ABI3BP: variants seen among roughly 807,000 people sequenced by gnomAD.
ABI3BP encodes target of Nesh-SH3.
In ABI3BP, 216 loss-of-function variants were observed where a neutral mutation model predicts 268.6. That is an observed-to-expected ratio of 0.80 (90% CI 0.72 to 0.90). The LOEUF (loss-of-function observed/expected upper bound fraction) is 0.90. ABI3BP is among the 40% of genes least tolerant of loss of function. The pLI is 0.00. For missense variants in ABI3BP, 2,090 were observed against 2,182.4 expected (o/e 0.96, Z 0.84); for synonymous variants, 730 against 730.0 (o/e 1.00, Z 0.00).
rs188261006 is a variant in ABI3BP at position 100,951,602 on chromosome 3, A to C, written c.80-25121T>G. Reference sequence around the variant, plus strand: ...AACCATCATTATCTTTCTCAAAACCAGTTTACTTCTCTACCATCTATGATG... The same window carrying C: ...AACCATCATTATCTTTCTCAAAACCCGTTTACTTCTCTACCATCTATGATG... On this transcript the variant is annotated intron_variant, in intron 1 of 67. Transcript: ENST00000471714. Among the ~76,000 whole-genome samples, 172 of 152,018 alleles carry C rather than the reference A, an allele frequency of 1.1e-3. 5 individuals carry two copies. Among genetic ancestry groups the C allele is most frequent in the African/African-American group, 3.9e-3 (162 of 41,332 alleles).
chr3:100,886,840 A>T (rs1387340981), intron 4 of ABI3BP, among the ~76,000 whole-genome samples: 1 of 152,004 alleles, frequency 6.6e-6, no homozygotes, highest in Non-Finnish European at 1.5e-5. Context: ...AGCTGTTTTT[A>T]TTATTAAAAA....
At chr3:100,884,737 G>GCACCAAA (rs2041078607) in intron 6 of ABI3BP, among the ~76,000 whole-genome samples, 1 of 117,324 alleles carries the variant, frequency 8.5e-6, no homozygotes, top group Non-Finnish European at 1.9e-5. Flanking sequence ...CAATATCTAG[G>GCACCAAA]GACCAAATTC....
Position 100,835,715 on chromosome 3 carries a change from G to T in ABI3BP, c.2132-55C>A, listed in dbSNP as rs1048790259. The T allele has an allele frequency of 3.6e-5, 48 of 1,345,840 alleles. No homozygotes were observed. The African/African-American group carries it at 6.2e-4, about 17-fold the overall frequency. 83.4% of individuals were successfully genotyped at this position (1,345,840 alleles called of 1,614,324 possible). On this transcript the variant is annotated intron_variant, in intron 27 of 67. Transcript: ENST00000471714. ...AGATTAAGAAATACAGAAAAACAAA[G>T]TTATTTTGAAAATGAATCTTCTTAA...
rs2098091990 is a variant in ABI3BP at position 100,817,512 on chromosome 3, A to G, written c.3089-17T>C. The G allele has an allele frequency of 1.4e-6, 2 of 1,410,674 alleles. No individual in the cohort carries two copies. The highest frequency in any genetic ancestry group is 1.9e-6 in the Non-Finnish European group (2 of 1,064,708). 87.4% of individuals were successfully genotyped at this position (1,410,674 alleles called of 1,614,324 possible). On this transcript the variant is annotated splice_polypyrimidine_tract_variant and intron_variant, in intron 41 of 67. Coordinates refer to ENST00000471714, the MANE Select transcript of ABI3BP (RefSeq NM_001375547.2). The stretch of plus-strand genomic sequence containing the variant: ...TAGTAACAACTAGACAAAAATAATA[A>G]AATAAAGCAAAAAGATTTAACTTGA...
At chr3:100,938,291 C>T (rs1164095879) in intron 1 of ABI3BP, among the ~76,000 whole-genome samples, 2 of 140,134 alleles carry the variant, frequency 1.4e-5, no homozygotes, top group African/African-American at 5.1e-5. Flanking sequence ...TACCCCTGAA[C>T]CTAAAAGTTA....
At chr3:100,772,130 C>A (rs142118044) in intron 61 of ABI3BP, among the ~76,000 whole-genome samples, 5 of 152,228 alleles carry the variant, frequency 3.3e-5, no homozygotes, top group African/African-American at 1.2e-4. Flanking sequence ...TAAAAGACAT[C>A]ATTTAGAATT....
At chr3:100,913,065 T>C (rs1468249084) in intron 2 of ABI3BP, among the ~76,000 whole-genome samples, 1 of 152,168 alleles carries the variant, frequency 6.6e-6, no homozygotes, top group Non-Finnish European at 1.5e-5. Flanking sequence ...AATGCTGTTG[T>C]CTCCTCACTT....
chr3:100,877,324 A>C (rs1229138990), intron 6 of ABI3BP, among the ~76,000 whole-genome samples: 1 of 152,186 alleles, frequency 6.6e-6, no homozygotes, highest in Non-Finnish European at 1.5e-5. Context: ...TACAGATACC[A>C]CAACTACCAT....
rs201354475 is a variant in ABI3BP at position 100,750,495 on chromosome 3, C to T, written c.5361G>A (p.Ter1787=). The T allele has an allele frequency of 1.9e-6, 3 of 1,607,904 alleles. No homozygotes were observed. Among genetic ancestry groups the T allele is most frequent in the Non-Finnish European group, 8.5e-7 (1 of 1,175,310 alleles). The change falls in exon 68 of 68, where the codon TAG becomes TAA. Residue 1787 remains the stop codon, a stop_retained_variant. Coordinates refer to ENST00000471714, the MANE Select transcript of ABI3BP (RefSeq NM_001375547.2). ...AACAGAAGGTAACTTTGTGCAGCAT[C>T]TACCATTTTCCAGGAATTGTAGTCC... ...ECGTTIPGKW[*]
chr3:100,941,414 C>T (rs1372192717), intron 1 of ABI3BP, among the ~76,000 whole-genome samples: 3 of 152,044 alleles, frequency 2.0e-5, no homozygotes, highest in African/African-American at 4.8e-5. Flanking sequence ...TTTATTAGGA[C>T]ATTTTCATCA....
At chr3:100,817,989 GAAACTGTTA>G (rs1205846419) in intron 41 of ABI3BP, among the ~76,000 whole-genome samples, 1 of 152,120 alleles carries the variant, frequency 6.6e-6, no homozygotes, top group Admixed American at 6.5e-5. Context: ...TAAAAGTTAA[GAAACTGTTA>G]AATCTTAATA....
intron 1 of ABI3BP, among the ~76,000 whole-genome samples, chr3:100,966,452 G>T (rs1057010279): frequency 6.6e-6 from 1 of 152,100 alleles, no homozygotes; most frequent in Non-Finnish European, 1.5e-5. Flanking sequence ...AGTATGACAC[G>T]TACCATATGG....
At position 100,886,243 on chromosome 3, in the gene ABI3BP, A is replaced by G. The variant is rs773587460; in HGVS notation, c.542T>C (p.Val181Ala). ...AACTGTGTTGGGCTTTAGGTTTTCC[A>G]CAATTGTTTCAGTGGCTGGACAGAT... ...FQICPATETI[V>A]ENLKPNTVYE... is the part of the protein sequence containing the mutation. The change falls in exon 5 of 68, where the codon GTG (valine) becomes GCG (alanine). Residue 181 changes from valine to alanine, a missense_variant. Coordinates refer to ENST00000471714, the MANE Select transcript of ABI3BP (RefSeq NM_001375547.2). 2 of 1,611,224 alleles carry G rather than the reference A, an allele frequency of 1.2e-6. No individual in the cohort carries two copies. Among genetic ancestry groups the G allele is most frequent in the Admixed American group, 1.7e-5 (1 of 59,676 alleles).
intron 1 of ABI3BP, among the ~76,000 whole-genome samples, chr3:100,968,005 C>A (rs566781119): frequency 2.6e-3 from 403 of 152,250 alleles, no homozygotes; most frequent in Non-Finnish European, 3.9e-3. Flanking sequence ...GGCCAACCAT[C>A]AGATGGTTGA....
intron 17 of ABI3BP, 130 bp from the exon 18 acceptor site, chr3:100,849,005 A>C: frequency 1.3e-6 from 1 of 752,478 alleles, no homozygotes; most frequent in Non-Finnish European, 2.2e-6. Flanking sequence ...AATGTCCAGT[A>C]TACCTTGTTT....
intron 34 of ABI3BP, among the ~76,000 whole-genome samples, 195 bp downstream of exon 34, chr3:100,828,198 A>C (rs556717132): frequency 1.3e-5 from 2 of 152,334 alleles, no homozygotes; most frequent in African/African-American, 4.8e-5. Flanking sequence ...ATGATATGAT[A>C]AACATTTTAA....
Position 100,898,747 on chromosome 3 carries a change from A to G in ABI3BP, c.461+15T>C. The G allele has an allele frequency of 6.2e-7, 1 of 1,611,596 alleles. No homozygotes were observed. Among genetic ancestry groups the G allele is most frequent in the Non-Finnish European group, 8.5e-7 (1 of 1,178,522 alleles). ...AGCATGTACAGATGCTATTAAAAGC[A>G]AATGCTAATATTACCTGTCATTGGG... On this transcript the variant is annotated intron_variant, in intron 4 of 67. Coordinates refer to ENST00000471714, the MANE Select transcript of ABI3BP (RefSeq NM_001375547.2).
chr3:100,927,899 T>A (rs2062334078), intron 1 of ABI3BP, among the ~76,000 whole-genome samples: 1 of 151,948 alleles, frequency 6.6e-6, no homozygotes. Context: ...GGTCCACAGT[T>A]CTTTAGCCAT....
intron 4 of ABI3BP, among the ~76,000 whole-genome samples, chr3:100,888,405 C>T (rs922598940): frequency 6.6e-6 from 1 of 152,034 alleles, no homozygotes; most frequent in Non-Finnish European, 1.5e-5. Context: ...TGTTAAGAAG[C>T]TAAAATCAGA....
Sources: allele counts gnomAD v4.1 joint callset (sites outside exome capture counted in the v4.1 genomes callset), GRCh38; gene constraint gnomAD v4.1.1; transcripts MANE v1.5; gene names NCBI Gene and HGNC (gene_info 2026-07-23, HGNC 2026-07-21).